Variants in PTPRN2 observed in about 807,000 individuals in gnomAD.
The protein encoded by PTPRN2 is receptor-type tyrosine-protein phosphatase N2.
Under a neutral mutation model 118.8 loss-of-function variants are expected in PTPRN2, and 74 were observed. The observed-to-expected ratio is 0.62, with a 90% CI of 0.52 to 0.76. The LOEUF (loss-of-function observed/expected upper bound fraction) is 0.76, where lower values mean the gene tolerates loss of function less well. Among genes scored for constraint, PTPRN2 ranks in the 30% least tolerant of loss-of-function variants. The pLI is 0.00. For missense variants in PTPRN2, 1,481 were observed against 1,394.4 expected, an observed-to-expected ratio of 1.06 and a Z score of -0.99; for synonymous variants, 641 against 608.0, an observed-to-expected ratio of 1.05 and a Z score of -0.80.
intron 12 of PTPRN2, among the ~76,000 whole-genome samples, chr7:157,830,484 G>C (rs1807488192): frequency 6.6e-6 from 1 of 151,948 alleles, no homozygotes; most frequent in Non-Finnish European, 1.5e-5. Context: ...GCTGTGGCTG[G>C]AGGCACACAC....
intron 3 of PTPRN2, among the ~76,000 whole-genome samples, chr7:158,209,105 C>A (rs1827382578): frequency 7.5e-6 from 1 of 133,276 alleles, no homozygotes. Flanking sequence ...AAGAAAATCA[C>A]TTTCACTTAA....
rs73510539 is a variant in PTPRN2, at chr7:158,540,109, C to T, written c.112+47449G>A. On this transcript the variant is annotated intron_variant, in intron 1 of 22. Transcript: ENST00000389418. ...CAGTGTCCCCACGTGGCTGCTGCAGCGGGTGCCTGAGTGGCCTTTGCAGTC... is the reference window on the plus strand; with the variant it reads ...CAGTGTCCCCACGTGGCTGCTGCAGTGGGTGCCTGAGTGGCCTTTGCAGTC... Among the ~76,000 whole-genome samples, 883 of 152,294 alleles carry T rather than the reference C, an allele frequency of 5.8e-3. 4 individuals carry two copies. Among genetic ancestry groups the T allele is most frequent in the African/African-American group, 0.02 (842 of 41,562 alleles).
chr7:157,816,381 C>A (rs1017371092), intron 12 of PTPRN2, among the ~76,000 whole-genome samples: 3 of 152,236 alleles, frequency 2.0e-5, no homozygotes, highest in African/African-American at 4.8e-5. Flanking sequence ...ACACTTTCCT[C>A]CCCTCCACGA....
intron 2 of PTPRN2, among the ~76,000 whole-genome samples, chr7:158,395,935 A>C (rs1021716551): frequency 2.6e-5 from 4 of 152,024 alleles, no homozygotes; most frequent in African/African-American, 9.7e-5. Context: ...CGGGCTACAG[A>C]CTTCCCTCTG....
At chr7:157,551,452 C>T (rs1363194738) in intron 21 of PTPRN2, among the ~76,000 whole-genome samples, 3 of 151,904 alleles carry the variant, frequency 2.0e-5, no homozygotes, top group African/African-American at 7.3e-5. Flanking sequence ...CAAAGGAAGG[C>T]CGCTGGCCAC....
chr7:158,246,051 T>C (rs1179357214), intron 3 of PTPRN2, among the ~76,000 whole-genome samples: 1 of 152,074 alleles, frequency 6.6e-6, no homozygotes, highest in Non-Finnish European at 1.5e-5. Flanking sequence ...CGCATGATGT[T>C]ACCCTCCAGG....
In PTPRN2 at chr7:158,015,364, C is replaced by T. The variant is rs991212151; in HGVS notation, c.1723+65934G>A. On this transcript the variant is annotated intron_variant, in intron 11 of 22. Coordinates refer to ENST00000389418, the MANE Select transcript of PTPRN2 (RefSeq NM_002847.5). This position sits in a 1 kb window ranked among gnomAD's most constrained non-coding sequence, Gnocchi z 4.2. ...CTAAAATGAACAAATCCCCTGTCTA[C>T]CGATTAAAAACTCTGAGGTCTTTTT... Among the ~76,000 whole-genome samples the T allele has an allele frequency of 6.6e-6, 1 of 151,946 alleles. No homozygotes were observed. Among genetic ancestry groups the T allele is most frequent in the African/African-American group, 2.4e-5 (1 of 41,320 alleles).
intron 11 of PTPRN2, among the ~76,000 whole-genome samples, chr7:158,002,175 TTGAGGCAAGCA>T (rs1441932102): frequency 1.3e-5 from 2 of 152,172 alleles, no homozygotes; most frequent in Non-Finnish European, 2.9e-5. Flanking sequence ...AAGCGGGGGC[TTGAGGCAAGCA>T]GCCCCCGCGG....
intron 6 of PTPRN2, among the ~76,000 whole-genome samples, chr7:158,146,828 T>C (rs1410663457): frequency 1.3e-5 from 2 of 152,126 alleles, no homozygotes; most frequent in East Asian, 3.9e-4. Flanking sequence ...CTAAAATGTT[T>C]TGGAGGCCAG....
At chr7:158,265,960 C>G (rs1165906977) in intron 3 of PTPRN2, among the ~76,000 whole-genome samples, 1 of 152,198 alleles carries the variant, frequency 6.6e-6, no homozygotes, top group Non-Finnish European at 1.5e-5. Flanking sequence ...CACAGAGGCG[C>G]AGGGCTCCTT....
intron 3 of PTPRN2, among the ~76,000 whole-genome samples, chr7:158,231,823 C>T (rs1829181216): frequency 6.6e-6 from 1 of 152,106 alleles, no homozygotes; most frequent in Admixed American, 6.5e-5. Flanking sequence ...AGAAGAACCC[C>T]AGAAACTACA....
At chr7:158,014,531 C>CGA (rs1806295781) in intron 11 of PTPRN2, among the ~76,000 whole-genome samples, 1 of 152,032 alleles carries the variant, frequency 6.6e-6, no homozygotes, top group African/African-American at 2.4e-5. Flanking sequence ...AACTACCCAT[C>CGA]TATCCATCCA....
chr7:157,742,254 T>A (rs1800677625), intron 12 of PTPRN2, among the ~76,000 whole-genome samples: 1 of 152,216 alleles, frequency 6.6e-6, no homozygotes, highest in Non-Finnish European at 1.5e-5. Flanking sequence ...GTTATTTACC[T>A]GTATTTAGAT....
At chr7:158,347,632 T>C (rs1370701832) in intron 2 of PTPRN2, among the ~76,000 whole-genome samples, 1 of 152,186 alleles carries the variant, frequency 6.6e-6, no homozygotes, top group Admixed American at 6.5e-5. Flanking sequence ...TTTCTATTTC[T>C]GTAAAAAAAA....
intron 2 of PTPRN2, among the ~76,000 whole-genome samples, chr7:158,418,088 A>G (rs7811497): frequency 0.46 from 62,244 of 135,306 alleles, 13,791 homozygotes; most frequent in Non-Finnish European, 0.5. Flanking sequence ...TCAGTGTCCC[A>G]CTGTGTTAAG....
chr7:157,669,783 C>A (rs549691925), intron 13 of PTPRN2, among the ~76,000 whole-genome samples: 1 of 152,196 alleles, frequency 6.6e-6, no homozygotes, highest in African/African-American at 2.4e-5. Context: ...GCGGCCTCTC[C>A]GCTCGCTCAG....
chr7:158,285,590 C>T (rs546328394), intron 3 of PTPRN2, among the ~76,000 whole-genome samples: 1 of 152,320 alleles, frequency 6.6e-6, no homozygotes, highest in East Asian at 1.9e-4. Context: ...ATCCTGTGTC[C>T]CAGCCCTGCC....
chr7:158,158,592 T>C (rs1232071323), intron 6 of PTPRN2, among the ~76,000 whole-genome samples: 3 of 146,048 alleles, frequency 2.1e-5, no homozygotes, highest in African/African-American at 7.6e-5. Context: ...TCGCAAGTGC[T>C]TTCTGAATGA....
chr7:157,773,742 C>T (rs912326349), intron 12 of PTPRN2, among the ~76,000 whole-genome samples: 7 of 152,314 alleles, frequency 4.6e-5, no homozygotes, highest in East Asian at 1.9e-4. Flanking sequence ...TCTTTGTTCC[C>T]GAACCTCAGC....
Sources: allele counts gnomAD v4.1 joint callset (sites outside exome capture counted in the v4.1 genomes callset), GRCh38; gene constraint gnomAD v4.1.1; non-coding constraint Gnocchi (gnomAD v3.1); transcripts MANE v1.5; gene names NCBI Gene and HGNC (gene_info 2026-07-23, HGNC 2026-07-21).